LRRC28: variants seen among roughly 807,000 people sequenced by gnomAD.
LRRC28 encodes the protein leucine-rich repeat-containing protein 28.
A neutral mutation model predicts 45.7 loss-of-function variants in LRRC28; 39 were observed. The observed-to-expected ratio is 0.85, with a 90% CI of 0.66 to 1.12. LRRC28 has a LOEUF of 1.12. Among genes scored for constraint, LRRC28 ranks in the 50% most tolerant of loss-of-function variants. The pLI, the probability that LRRC28 is intolerant of heterozygous loss-of-function variation, is 0.00. For synonymous variants in LRRC28, 206 were observed against 178.8 expected, an observed-to-expected ratio of 1.15 and a Z score of -1.22; for missense variants, 435 against 438.5, an observed-to-expected ratio of 0.99 and a Z score of 0.07.
intron 8 of LRRC28, among the ~76,000 whole-genome samples, chr15:99,361,812 C>G (rs555289541): frequency 6.6e-6 from 1 of 152,174 alleles, no homozygotes; most frequent in African/African-American, 2.4e-5. Context: ...TTGTCAGTTG[C>G]AAAGCACGGT....
At chr15:99,362,971 C>T (rs1357785577) in intron 8 of LRRC28, 135 bp from the exon 9 acceptor site, 12 of 949,698 alleles carry the variant, frequency 1.3e-5, no homozygotes, top group African/African-American at 1.6e-5. Flanking sequence ...CAGTGTGTAT[C>T]AATCAGATAA....
At chr15:99,285,226 T>C in intron 3 of LRRC28, 2 of 731,900 alleles carry the variant, frequency 2.7e-6, no homozygotes, top group Admixed American at 3.5e-5. Context: ...TTAGGTAATG[T>C]TCTTCAGTGT....
chr15:99,350,552 C>G (rs893147493), intron 6 of LRRC28, among the ~76,000 whole-genome samples: 1 of 152,180 alleles, frequency 6.6e-6, no homozygotes, highest in East Asian at 1.9e-4. Flanking sequence ...GTTTCCACAT[C>G]GGTTATGCTG....
In LRRC28 at chr15:99,389,739, C is replaced by T. The variant is rs1958128566; in HGVS notation, c.*3637C>T. ...TTCTATTGAGGTTCTCCTACATTTC[C>T]CAGAAACTCAGTGAATATCTTGCCT... is the stretch of plus-strand genomic sequence containing the variant. On this transcript the variant is annotated 3_prime_UTR_variant, in exon 10 of 10. Transcript: ENST00000301981. 1 of 152,140 alleles carries T rather than the reference C, an allele frequency of 6.6e-6. No homozygotes were observed. The highest frequency in any genetic ancestry group is 2.1e-4 in the South Asian group (1 of 4,824). The allele number at this position is 152,140 out of a possible 1,614,324, so 9.4% of individuals were successfully genotyped here. A position where few individuals can be genotyped will look rare whatever the true frequency, so the allele number is the denominator to read the frequency against.
intron 2 of LRRC28, among the ~76,000 whole-genome samples, chr15:99,261,677 G>C (rs1209624881): frequency 6.7e-6 from 1 of 149,438 alleles, no homozygotes; most frequent in Non-Finnish European, 1.5e-5. Context: ...TTTTTTTTTA[G>C]ATGGAGTTTC....
chr15:99,360,146 C>T (rs1180129924), intron 7 of LRRC28, among the ~76,000 whole-genome samples: 1 of 152,194 alleles, frequency 6.6e-6, no homozygotes, highest in Non-Finnish European at 1.5e-5. Flanking sequence ...TGGCCTCCTT[C>T]CCCTGTCCAT....
chr15:99,365,621 ATCTT>A lies in LRRC28; in HGVS notation c.1031+2360_1031+2363del, dbSNP rs536847628. Among the ~76,000 whole-genome samples, 27 of 152,362 alleles carry A rather than the reference ATCTT, an allele frequency of 1.8e-4. No individual in the cohort carries two copies. In the East Asian group the frequency reaches 3.5e-3, roughly 20 times the overall value. ...TTTTTAATATCATAAACTCTAAAAG[ATCTT>A]TCTAAGTTTTCTAATATATTCAGTT... On this transcript the variant is annotated intron_variant, in intron 9 of 9. Coordinates refer to ENST00000301981, the MANE Select transcript of LRRC28 (RefSeq NM_144598.5).
intron 3 of LRRC28, chr15:99,287,004 G>A (rs1217548779): frequency 5.7e-6 from 2 of 349,440 alleles, no homozygotes; most frequent in African/African-American, 2.1e-5. Context: ...TATCCATTAT[G>A]TATGCTTTTA....
At chr15:99,261,037 G>T (rs188334619) in intron 2 of LRRC28, among the ~76,000 whole-genome samples, 2 of 152,126 alleles carry the variant, frequency 1.3e-5, no homozygotes, top group South Asian at 2.1e-4. Flanking sequence ...GCTGAGAAGA[G>T]AAGTTGTCGC....
chr15:99,348,585 A>T (rs1956769607), intron 6 of LRRC28, among the ~76,000 whole-genome samples: 1 of 150,968 alleles, frequency 6.6e-6, no homozygotes, highest in Admixed American at 6.6e-5. Context: ...TCATTTCTGG[A>T]CTCTCTGTTC....
chr15:99,305,100 G>A (rs925568532), intron 5 of LRRC28, among the ~76,000 whole-genome samples: 4 of 152,102 alleles, frequency 2.6e-5, no homozygotes, highest in African/African-American at 7.2e-5. Context: ...TTTGGCACAC[G>A]TCAGATCAGC....
At chr15:99,289,659 C>A (rs977217034) in intron 5 of LRRC28, among the ~76,000 whole-genome samples, 1 of 151,938 alleles carries the variant, frequency 6.6e-6, no homozygotes, top group East Asian at 1.9e-4. Context: ...CCAGGCCGGG[C>A]GCGGTGGCTC....
In LRRC28 at chr15:99,293,593, C is replaced by CCAAAA. The variant is rs747700282; in HGVS notation, c.385+5642_385+5643insCAAAA. ...GGGCAACAAGAACGAAACTCTGTCACAAAAAAAAAAAAAAAAAAAAAAAAA... is the reference window on the plus strand; with the variant it reads ...GGGCAACAAGAACGAAACTCTGTCACCAAAAAAAAAAAAAAAAAAAAAAAAAAAAA... On this transcript the variant is annotated intron_variant, in intron 5 of 9. Coordinates refer to ENST00000301981, the MANE Select transcript of LRRC28 (RefSeq NM_144598.5). 4.8e-3 allele frequency among the ~76,000 whole-genome samples: 210 copies of CCAAAA among 44,090 alleles called. 12 individuals are homozygous for CCAAAA. Among genetic ancestry groups the CCAAAA allele is most frequent in the East Asian group, 0.013 (18 of 1,354 alleles). The allele number at this position is 44,090 out of a possible 152,430, so 28.9% of individuals were successfully genotyped here. A position where few individuals can be genotyped will look rare whatever the true frequency, so the allele number is the denominator to read the frequency against.
chr15:99,253,125 A>AC (rs1567593851), intron 1 of LRRC28, among the ~76,000 whole-genome samples: 1 of 148,828 alleles, frequency 6.7e-6, no homozygotes, highest in Non-Finnish European at 1.5e-5. Flanking sequence ...TAGGGAAGTG[A>AC]TTTTTTTTTT....
chr15:99,385,968 A>G, intron 9 of LRRC28, 62 bp from the exon 10 acceptor site: 1 of 1,472,518 alleles, frequency 6.8e-7, no homozygotes, highest in Non-Finnish European at 9.5e-7. Flanking sequence ...TTTCCAGCAG[A>G]AAGAATCAGA....
intron 3 of LRRC28, among the ~76,000 whole-genome samples, chr15:99,280,891 CT>C (rs1459883811): frequency 1.3e-5 from 2 of 152,104 alleles, no homozygotes; most frequent in African/African-American, 2.4e-5. Context: ...TTTTCATTTC[CT>C]TTTCAGACTT....
intron 2 of LRRC28, chr15:99,259,058 G>A (rs1353622990): frequency 1.1e-6 from 1 of 929,932 alleles, no homozygotes; most frequent in African/African-American, 1.6e-5. Context: ...GAAATACAAT[G>A]ATACTTTTTG....
chr15:99,329,063 G>T (rs923167432), intron 5 of LRRC28, among the ~76,000 whole-genome samples: 3 of 152,048 alleles, frequency 2.0e-5, no homozygotes, highest in African/African-American at 7.2e-5. Flanking sequence ...CTCTAATACA[G>T]ATTTGGTATT....
intron 6 of LRRC28, among the ~76,000 whole-genome samples, chr15:99,348,941 T>C (rs35842664): frequency 0.048 from 7,352 of 152,218 alleles, 267 homozygotes; most frequent in Admixed American, 0.11. Flanking sequence ...TTGTGTATTA[T>C]TCATTTTCTC....
Sources: allele counts gnomAD v4.1 joint callset (sites outside exome capture counted in the v4.1 genomes callset), GRCh38; gene constraint gnomAD v4.1.1; transcripts MANE v1.5; gene names NCBI Gene and HGNC (gene_info 2026-07-23, HGNC 2026-07-21).